EEA1: variants seen among roughly 807,000 people sequenced by gnomAD.
EEA1 encodes early endosome antigen 1, 162kD.
A neutral mutation model predicts 209.2 loss-of-function variants in EEA1; 111 were observed. The ratio of observed to expected loss-of-function variants is 0.53; its 90% CI spans 0.45 to 0.62. EEA1 has a LOEUF of 0.62. EEA1 is among the 20% of genes least tolerant of loss of function. The pLI is 0.00. For missense variants in EEA1, 1,343 were observed against 1,530.8 expected (o/e 0.88, Z 2.05); for synonymous variants, 536 against 540.6 (o/e 0.99, Z 0.12).
At chr12:92,868,808 C>A (rs970108534) in intron 2 of EEA1, among the ~76,000 whole-genome samples, 2 of 150,466 alleles carry the variant, frequency 1.3e-5, no homozygotes, top group African/African-American at 4.9e-5. Context: ...TGATATTAAA[C>A]CTTTGTCTAA....
intron 15 of EEA1, 80 bp from the exon 16 acceptor site, chr12:92,813,173 C>A: frequency 1.3e-6 from 1 of 765,584 alleles, no homozygotes; most frequent in South Asian, 2.9e-5. Context: ...CCTTTTGTGA[C>A]TAAACAAACT....
chr12:92,810,683 GGCAGTTAA>G (rs1196417607), intron 17 of EEA1, among the ~76,000 whole-genome samples: 6 of 151,412 alleles, frequency 4.0e-5, no homozygotes, highest in African/African-American at 1.5e-4. Flanking sequence ...TTTAGCCAAA[GGCAGTTAA>G]GCAGCAAGCG....
At chr12:92,822,022 T>TTA (rs1196240979) in intron 13 of EEA1, among the ~76,000 whole-genome samples, 2 of 151,008 alleles carry the variant, frequency 1.3e-5, no homozygotes, top group Non-Finnish European at 2.9e-5. Context: ...ATACATATAA[T>TTA]TATATATATA....
In EEA1 at chr12:92,852,901, A is replaced by C; in HGVS notation, c.520+11T>G. The stretch of plus-strand genomic sequence containing the variant: ...TTGATTTATTGGCTAAAAAATTCTA[A>C]CTCAATTTACCTGCAATTTCAGTAG... On this transcript the variant is annotated intron_variant, in intron 7 of 28. Coordinates refer to ENST00000322349, the MANE Select transcript of EEA1 (RefSeq NM_003566.4). 6.3e-7 allele frequency: 1 copy of C among 1,593,688 alleles called. No homozygotes were observed. Among genetic ancestry groups the C allele is most frequent in the Non-Finnish European group, 8.6e-7 (1 of 1,165,542 alleles).
intron 1 of EEA1, chr12:92,895,520 A>G (rs1479124558): frequency 6.5e-6 from 1 of 154,022 alleles, no homozygotes; most frequent in Non-Finnish European, 1.5e-5. Flanking sequence ...AAAAAAAAAA[A>G]AAATCCTTTC....
At chr12:92,830,804 T>G (rs1009428008) in intron 11 of EEA1, among the ~76,000 whole-genome samples, 4 of 152,268 alleles carry the variant, frequency 2.6e-5, no homozygotes, top group South Asian at 4.2e-4. Flanking sequence ...TTAATGGGCT[T>G]AAAGCATGGT....
At chr12:92,913,153 C>T (rs1880638713) in intron 1 of EEA1, among the ~76,000 whole-genome samples, 1 of 152,220 alleles carries the variant, frequency 6.6e-6, no homozygotes, top group South Asian at 2.1e-4. Flanking sequence ...AATTTACATT[C>T]CCATCAACAA....
chr12:92,915,862 T>C (rs138142883), intron 1 of EEA1, among the ~76,000 whole-genome samples: 82 of 152,344 alleles, frequency 5.4e-4, no homozygotes, highest in Middle Eastern at 3.4e-3. Flanking sequence ...CCAGTATCTG[T>C]ATATGCTTAG....
chr12:92,876,229 C>T (rs1878876059), intron 2 of EEA1, among the ~76,000 whole-genome samples: 1 of 151,798 alleles, frequency 6.6e-6, no homozygotes, highest in Non-Finnish European at 1.5e-5. Flanking sequence ...CATGCCACCA[C>T]TCCTGGCTAA....
chr12:92,847,784 A>G (rs1001141785), intron 9 of EEA1, among the ~76,000 whole-genome samples: 2 of 152,174 alleles, frequency 1.3e-5, no homozygotes, highest in African/African-American at 4.8e-5. Context: ...AATTTACTTA[A>G]TCTCATTGCC....
chr12:92,886,194 G>GAA (rs201671638), intron 2 of EEA1, among the ~76,000 whole-genome samples: 4 of 117,558 alleles, frequency 3.4e-5, no homozygotes, highest in Non-Finnish European at 5.4e-5. Flanking sequence ...GATCAAATTT[G>GAA]AAAAAAAAAA....
At chr12:92,885,669 C>T (rs1879350015) in intron 2 of EEA1, among the ~76,000 whole-genome samples, 1 of 152,196 alleles carries the variant, frequency 6.6e-6, no homozygotes, top group Non-Finnish European at 1.5e-5. Context: ...CTAATGTTCC[C>T]ATCCACTAAG....
intron 9 of EEA1, among the ~76,000 whole-genome samples, chr12:92,844,307 T>C (rs112311985): frequency 0.053 from 8,108 of 152,220 alleles, 246 homozygotes; most frequent in Non-Finnish European, 0.061. Context: ...GAATGGAATA[T>C]GTCTGAGATA....
At chr12:92,776,229 C>G in intron 28 of EEA1, 96 bp from the exon 29 acceptor site, 1 of 1,168,664 alleles carries the variant, frequency 8.6e-7, no homozygotes, top group Non-Finnish European at 1.2e-6. Context: ...TATGAAGGTA[C>G]ATTAGCTTTC....
At chr12:92,924,230 G>A (rs866188293) in intron 1 of EEA1, among the ~76,000 whole-genome samples, 84 of 125,902 alleles carry the variant, frequency 6.7e-4, no homozygotes, top group Non-Finnish European at 8.5e-4. Flanking sequence ...TTTTTGGGAT[G>A]GAGTTTTGCT....
At chr12:92,799,477 A>T (rs1361348592) in intron 20 of EEA1, among the ~76,000 whole-genome samples, 1 of 152,152 alleles carries the variant, frequency 6.6e-6, no homozygotes. Flanking sequence ...AAATTGTTGG[A>T]TGTCAACTGT....
chr12:92,897,012 C>T (rs1879912951), intron 1 of EEA1, among the ~76,000 whole-genome samples: 1 of 151,152 alleles, frequency 6.6e-6, no homozygotes, highest in South Asian at 2.1e-4. Flanking sequence ...CCATCTCTAC[C>T]AAAAAAATAC....
At chr12:92,887,093 C>T (rs1879445866) in intron 2 of EEA1, among the ~76,000 whole-genome samples, 1 of 151,836 alleles carries the variant, frequency 6.6e-6, no homozygotes, top group Admixed American at 6.6e-5. Context: ...AAATTAATGG[C>T]ATATTAAACA....
intron 13 of EEA1, among the ~76,000 whole-genome samples, chr12:92,825,572 T>C (rs1050881705): frequency 1.1e-4 from 16 of 152,110 alleles, no homozygotes; most frequent in Non-Finnish European, 2.2e-4. Flanking sequence ...TTCTAAGGTA[T>C]GCTGCAGACT....
Sources: gnomAD v4.1 joint callset for allele counts (sites outside exome capture counted in the v4.1 genomes callset) on GRCh38, gnomAD v4.1.1 for gene constraint, MANE v1.5 for transcripts, NCBI Gene and HGNC (gene_info 2026-07-23, HGNC 2026-07-21) for gene names.